The following RAB5A variants were observed in gnomAD, a reference collection of about 807,000 sequenced individuals.
RAB5A encodes ras-related protein Rab-5A.
Under a neutral mutation model 25.7 loss-of-function variants are expected in RAB5A, and 8 were observed. The ratio of observed to expected loss-of-function variants is 0.31; its 90% confidence interval spans 0.18 to 0.56. RAB5A has a LOEUF of 0.56. Ranked by LOEUF, RAB5A falls within the 20% of genes least tolerant of loss-of-function variation. RAB5A has a pLI of 0.91. For missense variants in RAB5A, 192 were observed against 259.7 expected, an observed-to-expected ratio of 0.74 and a Z score of 1.79; for synonymous variants, 98 against 89.8, an observed-to-expected ratio of 1.09 and a Z score of -0.52.
intron 5 of RAB5A, among the ~76,000 whole-genome samples, chr3:19,982,619 C>T (rs1696950802): frequency 1.3e-5 from 2 of 151,930 alleles, no homozygotes; most frequent in African/African-American, 4.8e-5. Flanking sequence ...GAGTCTGAGG[C>T]GGAAGAGTTG....
At position 19,983,883 on chromosome 3, in the gene RAB5A, A is replaced by G. The variant is rs1575080659; in HGVS notation, c.*60A>G. The G allele has an allele frequency of 1.7e-6, 2 of 1,187,122 alleles. No homozygotes were observed. The highest frequency in any genetic ancestry group is 5.1e-5 in the East Asian group (2 of 39,568). 73.5% of individuals were successfully genotyped at this position (1,187,122 alleles called of 1,614,324 possible). ...CTTCCTAAATGTTAATAACAATGGA[A>G]TTGGAGCATTTAACCAGCCCAGTAT... On this transcript the variant is annotated 3_prime_UTR_variant, in exon 6 of 6. Transcript: ENST00000273047.
Position 19,985,002 on chromosome 3 carries a change from G to T in RAB5A, c.*1179G>T. ...TCAGTATATTGCACTAATTATTTTAGGTATTTTCATTATATGAAAGCTACC... is the reference window on the plus strand; with the variant it reads ...TCAGTATATTGCACTAATTATTTTATGTATTTTCATTATATGAAAGCTACC... On this transcript the variant is annotated 3_prime_UTR_variant, in exon 6 of 6. Coordinates refer to ENST00000273047, the MANE Select transcript of RAB5A (RefSeq NM_004162.5). 2 of 187,508 alleles carry T rather than the reference G, an allele frequency of 1.1e-5. No individual in the cohort carries two copies. Among genetic ancestry groups the T allele is most frequent in the Non-Finnish European group, 1.1e-5 (1 of 91,014 alleles). 11.6% of individuals were successfully genotyped at this position (187,508 alleles called of 1,614,324 possible). A position where few individuals can be genotyped will look rare whatever the true frequency, so the allele number is the denominator to read the frequency against.
chr3:19,974,460 C>T (rs1183899989), intron 2 of RAB5A, among the ~76,000 whole-genome samples: 2 of 152,028 alleles, frequency 1.3e-5, no homozygotes, highest in Admixed American at 6.6e-5. Flanking sequence ...GCCTATAATG[C>T]TACTTTCCTA....
chr3:19,948,566 A>G (rs1410664125), intron 1 of RAB5A, among the ~76,000 whole-genome samples: 2 of 152,230 alleles, frequency 1.3e-5, no homozygotes, highest in African/African-American at 2.4e-5. Flanking sequence ...TTTGCAAAAC[A>G]GAAGTTTCAG....
intron 1 of RAB5A, among the ~76,000 whole-genome samples, chr3:19,948,843 TTAAA>T (rs1696376201): frequency 6.6e-6 from 1 of 152,216 alleles, no homozygotes; most frequent in Non-Finnish European, 1.5e-5. Flanking sequence ...TCTTGTTTTC[TTAAA>T]TAAAAAGACA....
intron 2 of RAB5A, among the ~76,000 whole-genome samples, chr3:19,958,375 G>T (rs1247876570): frequency 6.6e-6 from 1 of 152,020 alleles, no homozygotes. Flanking sequence ...AAAATCTTTC[G>T]GTAGTCTTAA....
At chr3:19,952,750 A>G (rs1696442064) in intron 2 of RAB5A, among the ~76,000 whole-genome samples, 1 of 150,208 alleles carries the variant, frequency 6.7e-6, no homozygotes, top group African/African-American at 2.4e-5. Flanking sequence ...CATCTTTGTG[A>G]TTTTTTTTTT....
At chr3:19,974,995 G>A (rs1696802231) in intron 2 of RAB5A, among the ~76,000 whole-genome samples, 1 of 152,184 alleles carries the variant, frequency 6.6e-6, no homozygotes, top group African/African-American at 2.4e-5. Flanking sequence ...GGAGGCCAAG[G>A]TGGGCGGATC....
At chr3:19,959,442 ATT>A (rs35425413) in intron 2 of RAB5A, among the ~76,000 whole-genome samples, 21,377 of 150,854 alleles carry the variant, frequency 0.14, 1,564 homozygotes, top group South Asian at 0.2. Context: ...TTATGTACTA[ATT>A]TATATATATA....
At chr3:19,964,962 G>A (rs545871139) in intron 2 of RAB5A, among the ~76,000 whole-genome samples, 3 of 152,040 alleles carry the variant, frequency 2.0e-5, no homozygotes, top group Admixed American at 6.6e-5. Flanking sequence ...ACGGAGTCTC[G>A]CTCTGTCCCC....
At chr3:19,949,906 T>C (rs1180033987) in intron 1 of RAB5A, among the ~76,000 whole-genome samples, 1 of 152,050 alleles carries the variant, frequency 6.6e-6, no homozygotes, top group African/African-American at 2.4e-5. Flanking sequence ...GGCATGGTTC[T>C]GAGCGCCTGT....
chr3:19,967,088 G>A (rs1477904195), intron 2 of RAB5A, among the ~76,000 whole-genome samples: 1 of 151,984 alleles, frequency 6.6e-6, no homozygotes, highest in African/African-American at 2.4e-5. Context: ...ACTGTGCCCA[G>A]CTCTTATTGG....
intron 2 of RAB5A, among the ~76,000 whole-genome samples, chr3:19,971,680 G>T (rs574395475): frequency 1.3e-5 from 2 of 152,030 alleles, no homozygotes; most frequent in African/African-American, 2.4e-5. Context: ...TCGCCATACC[G>T]GTCAGGCTGG....
chr3:19,957,390 G>A (rs1386588086), intron 2 of RAB5A, among the ~76,000 whole-genome samples: 2 of 151,938 alleles, frequency 1.3e-5, no homozygotes, highest in East Asian at 1.9e-4. Flanking sequence ...AGTAAGTGCC[G>A]GGTGCATGGC....
chr3:19,970,137 T>C (rs1347279218), intron 2 of RAB5A, among the ~76,000 whole-genome samples: 1 of 151,888 alleles, frequency 6.6e-6, no homozygotes, highest in Admixed American at 6.6e-5. Flanking sequence ...CCAGACCTTG[T>C]GATCCACCCA....
intron 1 of RAB5A, among the ~76,000 whole-genome samples, chr3:19,948,081 G>C (rs139128947): frequency 1.6e-4 from 25 of 152,250 alleles, no homozygotes; most frequent in African/African-American, 5.3e-4. Context: ...CTAGAGACTT[G>C]TTTTCTGTTT....
intron 1 of RAB5A, among the ~76,000 whole-genome samples, chr3:19,948,744 A>ATT (rs11391640): frequency 2.0e-5 from 3 of 146,798 alleles, no homozygotes; most frequent in Non-Finnish European, 4.5e-5. Flanking sequence ...ATCTTGTTTG[A>ATT]TTTTTTTTTT....
At chr3:19,951,959 GGTT>G (rs1376890549) in intron 2 of RAB5A, among the ~76,000 whole-genome samples, 3 of 151,980 alleles carry the variant, frequency 2.0e-5, no homozygotes, top group African/African-American at 4.8e-5. Flanking sequence ...TGACAAGGGT[GGTT>G]ATGGTGGGAC....
chr3:19,969,337 C>T lies in RAB5A; in HGVS notation c.164-6264C>T, dbSNP rs1400599490. 3.3e-5 allele frequency among the ~76,000 whole-genome samples: 5 copies of T among 152,006 alleles called. No homozygotes were observed. In the South Asian group the frequency reaches 6.2e-4, roughly 19 times the overall value. ...GGGATTACAGGCGTGAGCCACCATG[C>T]CTGCTGTATTTTTATTTTTTCATTA... On this transcript the variant is annotated intron_variant, in intron 2 of 5. Coordinates refer to ENST00000273047, the MANE Select transcript of RAB5A (RefSeq NM_004162.5).
Sources: allele counts gnomAD v4.1 joint callset (sites outside exome capture counted in the v4.1 genomes callset), GRCh38; gene constraint gnomAD v4.1.1; transcripts MANE v1.5; gene names NCBI Gene and HGNC (gene_info 2026-07-23, HGNC 2026-07-21).